The following GPR158 variants were observed in gnomAD, a reference collection of about 807,000 sequenced individuals.
GPR158 encodes the protein G protein-coupled receptor 158, also known as metabotropic glycine receptor.
In GPR158, 30 loss-of-function variants were observed where a neutral mutation model predicts 78.2. That is an observed-to-expected ratio of 0.38 (90% CI 0.29 to 0.52). The LOEUF is 0.52. Ranked by LOEUF, GPR158 falls within the 20% of genes least tolerant of loss-of-function variation. The pLI is 0.83. For missense variants in GPR158, 1,463 were observed against 1,523.5 expected (o/e 0.96, Z 0.66); for synonymous variants, 581 against 591.1 (o/e 0.98, Z 0.25).
chr10:25,475,006 G>A (rs1373417323), intron 5 of GPR158, among the ~76,000 whole-genome samples: 1 of 152,128 alleles, frequency 6.6e-6, no homozygotes, highest in Non-Finnish European at 1.5e-5. Context: ...TTGTATTAAT[G>A]AGCATAGTCC....
At chr10:25,512,722 T>C (rs747285929) in intron 5 of GPR158, among the ~76,000 whole-genome samples, 6 of 152,124 alleles carry the variant, frequency 3.9e-5, no homozygotes, top group Non-Finnish European at 5.9e-5. Flanking sequence ...CTGACTTTGC[T>C]GAGAGTTTTA....
intron 5 of GPR158, among the ~76,000 whole-genome samples, chr10:25,507,388 T>C (rs1836027416): frequency 6.6e-6 from 1 of 152,200 alleles, no homozygotes; most frequent in African/African-American, 2.4e-5. Flanking sequence ...CATTCAGAGA[T>C]GTTTCTGTCT....
At chr10:25,318,786 G>A (rs1295297223) in intron 2 of GPR158, among the ~76,000 whole-genome samples, 2 of 152,052 alleles carry the variant, frequency 1.3e-5, no homozygotes, top group Non-Finnish European at 2.9e-5. Context: ...TTATGTCTCC[G>A]CTTTAAATCC....
chr10:25,401,904 T>C (rs1834451640), intron 3 of GPR158, among the ~76,000 whole-genome samples: 1 of 152,152 alleles, frequency 6.6e-6, no homozygotes, highest in South Asian at 2.1e-4. Context: ...AAAAATAAAA[T>C]ATAACATTCA....
chr10:25,547,378 G>A (rs1385043447), intron 5 of GPR158, among the ~76,000 whole-genome samples: 1 of 152,062 alleles, frequency 6.6e-6, no homozygotes, highest in Non-Finnish European at 1.5e-5. Flanking sequence ...CTGTTTTAAA[G>A]CTTTCTTTAC....
At chr10:25,261,030 A>G (rs761384306) in intron 2 of GPR158, among the ~76,000 whole-genome samples, 4 of 151,968 alleles carry the variant, frequency 2.6e-5, no homozygotes, top group Non-Finnish European at 5.9e-5. Context: ...AAGATCACAG[A>G]CTCTTGTCCT....
At chr10:25,326,524 C>T (rs1428544267) in intron 2 of GPR158, among the ~76,000 whole-genome samples, 2 of 152,028 alleles carry the variant, frequency 1.3e-5, no homozygotes, top group African/African-American at 4.8e-5. Context: ...CTTTGCTGTG[C>T]ACGATCTCAT....
At chr10:25,457,269 C>T (rs141394239) in intron 4 of GPR158, among the ~76,000 whole-genome samples, 12 of 147,574 alleles carry the variant, frequency 8.1e-5, no homozygotes, top group African/African-American at 3.0e-4. Context: ...TGCGGGATTA[C>T]AGATGTGAGC....
In GPR158 at chr10:25,176,042, T is replaced by A; in HGVS notation, c.622T>A (p.Ser208Thr). 6.2e-7 allele frequency: 1 copy of A among 1,609,656 alleles called. No individual in the cohort carries two copies. The highest frequency in any genetic ancestry group is 1.7e-5 in the Admixed American group (1 of 59,408). Residue 208 changes from serine to threonine, a missense_variant, in exon 1 of 11, where the codon TCC (serine) becomes ACC (threonine). By Grantham distance (58) the Ser-to-Thr change is moderately conservative. Coordinates refer to ENST00000376351, the MANE Select transcript of GPR158 (RefSeq NM_020752.3). The surrounding 1 kb of genome is among the most constrained non-coding windows in gnomAD (Gnocchi z 6.3). ...ESRILLQDLS[S>T]SAPHLANATL... The stretch of plus-strand genomic sequence containing the variant: ...CCGCATCCTGCTCCAAGACCTGTCC[T>A]CCTCCGCACCCCACCTGGCCAACGC...
At chr10:25,475,503 AAAAGGAGATT>A (rs1422076037) in intron 5 of GPR158, 2 of 152,090 alleles carry the variant, frequency 1.3e-5, no homozygotes, top group African/African-American at 4.8e-5. Flanking sequence ...ATACCAGGGG[AAAAGGAGATT>A]AAAGGCGAAG....
At chr10:25,411,657 C>T (rs769543078) in intron 3 of GPR158, among the ~76,000 whole-genome samples, 11 of 151,632 alleles carry the variant, frequency 7.3e-5, no homozygotes, top group Admixed American at 2.6e-4. Flanking sequence ...CTTAGAAGGC[C>T]AGGTGCGGTG....
Position 25,598,988 on chromosome 10 carries a change from C to G in GPR158, c.3362C>G (p.Pro1121Arg). Residue 1121 changes from proline to arginine, a missense_variant, in exon 11 of 11, where the codon CCC (proline) becomes CGC (arginine). By Grantham distance (103) the Pro-to-Arg change is moderately radical. Transcript: ENST00000376351. ...NVCAGQSEELPPKAVASKTEN... is the reference protein window; with the variant it reads ...NVCAGQSEELRPKAVASKTEN... Reference sequence around the variant, plus strand: ...TGTGCTGGGCAGAGCGAAGAACTGCCCCCCAAAGCTGTAGCATCAAAAACA... The same window carrying G: ...TGTGCTGGGCAGAGCGAAGAACTGCGCCCCAAAGCTGTAGCATCAAAAACA... 6.2e-7 allele frequency: 1 copy of G among 1,614,020 alleles called. No homozygotes were observed. The highest frequency in any genetic ancestry group is 8.5e-7 in the Non-Finnish European group (1 of 1,179,990).
At chr10:25,562,033 T>TC (rs1266247226) in intron 6 of GPR158, among the ~76,000 whole-genome samples, 1 of 151,772 alleles carries the variant, frequency 6.6e-6, no homozygotes, top group East Asian at 1.9e-4. Flanking sequence ...AATTTTTTTT[T>TC]TTTTTTTTTG....
chr10:25,362,832 G>C (rs1383806463), intron 2 of GPR158, among the ~76,000 whole-genome samples: 1 of 151,682 alleles, frequency 6.6e-6, no homozygotes, highest in South Asian at 2.1e-4. Context: ...CTAACAGATC[G>C]ACCTCATCCT....
chr10:25,322,137 T>G (rs2130479629), intron 2 of GPR158, among the ~76,000 whole-genome samples: 1 of 152,186 alleles, frequency 6.6e-6, no homozygotes, highest in South Asian at 2.1e-4. Context: ...AATCCAGCAC[T>G]TTGGGAGGCT....
chr10:25,199,136 T>G (rs957631073), intron 1 of GPR158, among the ~76,000 whole-genome samples: 2 of 151,466 alleles, frequency 1.3e-5, no homozygotes, highest in Non-Finnish European at 1.5e-5. Flanking sequence ...TTTTGTTTTT[T>G]TTTTGCTTTT....
rs1209020121 is a variant in GPR158, at chr10:25,601,668, T to A, written c.*2394T>A. On this transcript the variant is annotated 3_prime_UTR_variant, in exon 11 of 11. Transcript: ENST00000376351. ...AGTCTTTCTGAGAGTTTCATTGCCA[T>A]TATCAACAAGAGAAGTTGAAATTTA... 1 of 152,628 alleles carries A rather than the reference T, an allele frequency of 6.6e-6. No individual in the cohort carries two copies. The highest frequency in any genetic ancestry group is 2.4e-5 in the African/African-American group (1 of 41,456). 9.5% of individuals were successfully genotyped at this position (152,628 alleles called of 1,614,324 possible).
chr10:25,510,172 A>T (rs910420805), intron 5 of GPR158, among the ~76,000 whole-genome samples: 1 of 152,226 alleles, frequency 6.6e-6, no homozygotes, highest in African/African-American at 2.4e-5. Context: ...TCATCTTTGG[A>T]AAATAGAGTC....
chr10:25,202,933 T>G (rs1357664181), intron 1 of GPR158, among the ~76,000 whole-genome samples: 2 of 152,222 alleles, frequency 1.3e-5, no homozygotes, highest in East Asian at 3.8e-4. Context: ...CCTGACTTTT[T>G]AATGATTGCC....
Sources: gnomAD v4.1 joint callset for allele counts (sites outside exome capture counted in the v4.1 genomes callset) on GRCh38, gnomAD v4.1.1 for gene constraint, Gnocchi (gnomAD v3.1) non-coding constraint, MANE v1.5 for transcripts, NCBI Gene and HGNC (gene_info 2026-07-23, HGNC 2026-07-21) for gene names.